Variants in SYNE2 observed in about 807,000 individuals in gnomAD.
SYNE2 encodes spectrin repeat containing nuclear envelope protein 2, also known as nesprin-2.
Under a neutral mutation model 856.3 loss-of-function variants are expected in SYNE2, and 431 were observed. That is an observed-to-expected ratio of 0.50 (90% CI 0.47 to 0.55). The LOEUF (loss-of-function observed/expected upper bound fraction) is 0.55, where lower values mean the gene tolerates loss of function less well. Among genes scored for constraint, SYNE2 ranks in the 20% least tolerant of loss-of-function variants. The pLI is 0.00. For missense variants in SYNE2, 8,129 were observed against 8,023.2 expected (o/e 1.01, Z -0.50); for synonymous variants, 2,923 against 2,872.3 (o/e 1.02, Z -0.56).
intron 61 of SYNE2, among the ~76,000 whole-genome samples, chr14:64,094,060 C>T (rs1005377678): frequency 1.3e-5 from 2 of 151,752 alleles, no homozygotes; most frequent in South Asian, 2.1e-4. Flanking sequence ...GGGCCGGGCG[C>T]GGTGGCTCAC....
At chr14:64,160,899 T>G (rs1372149258) in intron 87 of SYNE2, among the ~76,000 whole-genome samples, 1 of 152,056 alleles carries the variant, frequency 6.6e-6, no homozygotes, top group Admixed American at 6.6e-5. Flanking sequence ...ACAAATATCT[T>G]AACTATCCAT....
chr14:63,811,141 G>T (rs925050709), intron 1 of SYNE2, among the ~76,000 whole-genome samples: 1 of 151,860 alleles, frequency 6.6e-6, no homozygotes, highest in Non-Finnish European at 1.5e-5. Flanking sequence ...GGCCTATAGT[G>T]AATATTCTTA....
chr14:63,963,780 A>G, intron 9 of SYNE2, 119 bp from the exon 10 acceptor site: 1 of 706,248 alleles, frequency 1.4e-6, no homozygotes, highest in Non-Finnish European at 2.6e-6. Context: ...CTTTGGCATA[A>G]TGAATCATTG....
intron 1 of SYNE2, among the ~76,000 whole-genome samples, chr14:63,806,956 C>T (rs1170717858): frequency 3.3e-5 from 5 of 151,356 alleles, no homozygotes; most frequent in African/African-American, 1.2e-4. Context: ...CTCAAGTGAT[C>T]CTCTTGCCTT....
At chr14:64,079,637 C>T (rs1295729555) in intron 55 of SYNE2, among the ~76,000 whole-genome samples, 1 of 152,234 alleles carries the variant, frequency 6.6e-6, no homozygotes, top group Non-Finnish European at 1.5e-5. Context: ...GAGTCAAAAG[C>T]AGTTGCTCCT....
chr14:64,143,919 C>T lies in SYNE2; in HGVS notation c.15454C>T (p.His5152Tyr). ...EHLGEMNRQWHRVHGMLNRKI... is the reference protein window; with the variant it reads ...EHLGEMNRQWYRVHGMLNRKI... ...CCTGGGGGAGATGAACCGCCAGTGG[C>T]ACCGTGTACATGGAATGCTGAATAG... Residue 5152 changes from histidine to tyrosine, a missense_variant, in exon 83 of 116, where the codon CAC (histidine) becomes TAC (tyrosine). Transcript: ENST00000555002. 8 of 1,614,134 alleles carry T rather than the reference C, an allele frequency of 5.0e-6. No individual in the cohort carries two copies. The highest frequency in any genetic ancestry group is 6.8e-6 in the Non-Finnish European group (8 of 1,180,010).
chr14:64,108,444 G>T (rs1344811152), intron 65 of SYNE2, among the ~76,000 whole-genome samples: 3 of 152,082 alleles, frequency 2.0e-5, no homozygotes, highest in Admixed American at 6.5e-5. Context: ...TCCTAATTTG[G>T]AATCTTGTAC....
At chr14:64,208,586 T>C (rs1278966024) in intron 100 of SYNE2, among the ~76,000 whole-genome samples, 172 bp from the exon 101 acceptor site, 1 of 152,100 alleles carries the variant, frequency 6.6e-6, no homozygotes, top group African/African-American at 2.4e-5. Context: ...AGCACAAGGG[T>C]AGCACAAAGA....
At chr14:64,076,408 A>G (rs1050706115) in intron 54 of SYNE2, among the ~76,000 whole-genome samples, 1 of 152,188 alleles carries the variant, frequency 6.6e-6, no homozygotes, top group African/African-American at 2.4e-5. Flanking sequence ...CTGTACAACC[A>G]CTTGAACATT....
At chr14:63,801,150 G>A (rs34516595) in intron 1 of SYNE2, among the ~76,000 whole-genome samples, 1 of 152,042 alleles carries the variant, frequency 6.6e-6, no homozygotes, top group Non-Finnish European at 1.5e-5. Flanking sequence ...GGAGCACAGT[G>A]GGATTCTTGC....
At chr14:63,839,239 C>A (rs1376196876) in intron 1 of SYNE2, among the ~76,000 whole-genome samples, 4 of 151,938 alleles carry the variant, frequency 2.6e-5, no homozygotes, top group Non-Finnish European at 5.9e-5. Context: ...CCGTGTTAGC[C>A]AGGATGTTCT....
At chr14:64,208,710 T>C in intron 100 of SYNE2, 48 bp from the exon 101 acceptor site, 3 of 1,606,538 alleles carry the variant, frequency 1.9e-6, no homozygotes, top group Non-Finnish European at 2.6e-6. Context: ...CTGACCCTCC[T>C]GCTGCCACCA....
At chr14:63,930,533 C>CT (rs147797429) in intron 2 of SYNE2, among the ~76,000 whole-genome samples, 18,823 of 128,500 alleles carry the variant, frequency 0.15, 1,418 homozygotes, top group Non-Finnish European at 0.17. Context: ...CATTATCCTT[C>CT]TTTTTTTTTT....
intron 1 of SYNE2, among the ~76,000 whole-genome samples, chr14:63,868,454 A>G (rs1374775649): frequency 6.6e-6 from 1 of 151,760 alleles, no homozygotes; most frequent in Non-Finnish European, 1.5e-5. Flanking sequence ...GAGCCTGGAC[A>G]GCAGAGTGAG....
In SYNE2 at chr14:64,141,568, A is replaced by G. The variant is rs771976356; in HGVS notation, c.15159+45A>G. 7.0e-6 allele frequency: 11 copies of G among 1,578,910 alleles called. No individual in the cohort carries two copies. The East Asian group carries it at 2.5e-4, about 35-fold the overall frequency. On this transcript the variant is annotated intron_variant, in intron 81 of 115. Coordinates refer to ENST00000555002, the MANE Select transcript of SYNE2 (RefSeq NM_182914.3). ...GCATTTGAATTAGCATTCACTTGTT[A>G]GCTCATAACTCTTTTAAAATTATTT...
Position 64,218,408 on chromosome 14 carries a change from T to C in SYNE2, c.19553T>C (p.Leu6518Pro). ...TPYKPPYGKL[L>P]LPPGTDGGKE... ...ACTGGCTCATTCTAGGGAAAGCTAC[T>C]ATTACCTCCAGGCACGGATGGTGGC... The change falls in exon 109 of 116, where the codon CTA becomes CCA. Residue 6518 changes from leucine (L) to proline (P), a missense_variant. Leu to Pro is a moderately conservative substitution (Grantham distance 98, BLOSUM62 -3). This residue lies in a region of SYNE2 where 5,410 missense variants were observed against 5,284.8 expected (regional missense o/e 1.02). Coordinates refer to ENST00000555002, the MANE Select transcript of SYNE2 (RefSeq NM_182914.3). The C allele has an allele frequency of 6.2e-7, 1 of 1,614,040 alleles. No individual in the cohort carries two copies. Among genetic ancestry groups the C allele is most frequent in the Middle Eastern group, 1.6e-4 (1 of 6,062 alleles).
chr14:64,225,519 C>G lies in SYNE2; in HGVS notation c.20717C>G (p.Pro6906Arg). ...CTGAGGTACACCAATGGGCCACCCC[C>G]CACATAGAGGGCATAGCTGGCCACA... ...PMLRYTNGPP[P>R]T Residue 6906 changes from proline to arginine, a missense_variant, in exon 116 of 116, where the codon CCC (proline) becomes CGC (arginine). Transcript: ENST00000555002. The G allele has an allele frequency of 6.2e-7, 1 of 1,614,008 alleles. No individual in the cohort carries two copies. The highest frequency in any genetic ancestry group is 2.2e-5 in the East Asian group (1 of 44,878).
intron 1 of SYNE2, among the ~76,000 whole-genome samples, chr14:63,777,211 T>G (rs1178784010): frequency 6.6e-6 from 1 of 152,228 alleles, no homozygotes; most frequent in Non-Finnish European, 1.5e-5. Flanking sequence ...GAATTTGCCC[T>G]TGACTGCTAT....
chr14:64,032,100 T>A (rs752418423), intron 45 of SYNE2, among the ~76,000 whole-genome samples: 1 of 152,132 alleles, frequency 6.6e-6, no homozygotes, highest in Non-Finnish European at 1.5e-5. Context: ...AGGGAGTAAG[T>A]AATCAACAGG....
Sources: gnomAD v4.1 joint callset for allele counts (sites outside exome capture counted in the v4.1 genomes callset) on GRCh38, gnomAD v4.1.1 for gene constraint, gnomAD v4.1.1 regional missense constraint, MANE v1.5 for transcripts, NCBI Gene and HGNC (gene_info 2026-07-23, HGNC 2026-07-21) for gene names.